Variants in SKIC2 observed in about 807,000 individuals in gnomAD.
SKIC2 encodes the protein SKI2 subunit of superkiller complex.
chr6:31,966,200 A>C, the SKIC2 span, among the ~76,000 whole-genome samples: 10,526 of 151,488 alleles, frequency 0.069, 523 homozygotes, highest in East Asian at 0.25. The surrounding 1 kb of genome is among the most constrained non-coding windows in gnomAD (Gnocchi z 5.9). Flanking sequence ...GGCTCAAGGG[A>C]TCCTCCCACC....
At chr6:31,960,849 C>T in the SKIC2 span, 25 of 952,222 alleles carry the variant, frequency 2.6e-5, no homozygotes, top group East Asian at 3.1e-4. Context: ...GATATTCTGT[C>T]CATAACAACC....
chr6:31,960,878 GAAATTTCT>G, the SKIC2 span: 6 of 896,204 alleles, frequency 6.7e-6, no homozygotes, highest in Non-Finnish European at 1.1e-5. Context: ...CATCTGCTGG[GAAATTTCT>G]ACAACAACCT....
At chr6:31,968,659 A>C in the SKIC2 span, 3 of 1,591,158 alleles carry the variant, frequency 1.9e-6, no homozygotes, top group Non-Finnish European at 2.6e-6. The surrounding 1 kb of genome is among the most constrained non-coding windows in gnomAD (Gnocchi z 6.1). Flanking sequence ...AGGGGCAAGG[A>C]GAAGGCTGAC....
At chr6:31,969,298 G>C in the SKIC2 span, 1 of 1,614,230 alleles carries the variant, frequency 6.2e-7, no homozygotes. This position sits in a 1 kb window ranked among gnomAD's most constrained non-coding sequence, Gnocchi z 6.1. Context: ...ACGTGTCCGG[G>C]CTGTGGCCAA....
chr6:31,961,593 C>T, the SKIC2 span: 14 of 1,613,064 alleles, frequency 8.7e-6, no homozygotes, highest in Non-Finnish European at 1.2e-5. Context: ...GAGCCTCCAT[C>T]TCAGGAGCAG....
At chr6:31,963,100 TG>T in the SKIC2 span, 1 of 1,594,748 alleles carries the variant, frequency 6.3e-7, no homozygotes, top group Admixed American at 1.7e-5. The surrounding 1 kb of genome is among the most constrained non-coding windows in gnomAD (Gnocchi z 5.3). Flanking sequence ...GGGTGAGACG[TG>T]TGTCCCGGGT....
chr6:31,962,135 C>A, the SKIC2 span: 1 of 1,412,792 alleles, frequency 7.1e-7, no homozygotes. This position sits in a 1 kb window ranked among gnomAD's most constrained non-coding sequence, Gnocchi z 5.0. Context: ...CATCTCTTCC[C>A]CCACCTCTCT....
chr6:31,962,228 G>T, the SKIC2 span, among the ~76,000 whole-genome samples: 3 of 152,180 alleles, frequency 2.0e-5, no homozygotes, highest in African/African-American at 7.2e-5. This position sits in a 1 kb window ranked among gnomAD's most constrained non-coding sequence, Gnocchi z 5.0. Context: ...TGGGGAGAAA[G>T]TTTAGAAGAA....
At chr6:31,965,816 G>T in the SKIC2 span, 1 of 1,612,488 alleles carries the variant, frequency 6.2e-7, no homozygotes, top group Admixed American at 1.7e-5. The surrounding 1 kb of genome is among the most constrained non-coding windows in gnomAD (Gnocchi z 5.6). Flanking sequence ...TGCCATGGGA[G>T]TAAACATGCC....
the SKIC2 span, chr6:31,961,969 T>C: frequency 1.2e-6 from 2 of 1,612,964 alleles, no homozygotes; most frequent in Non-Finnish European, 1.7e-6. Context: ...ACGGCATGAC[T>C]CTGTCTTTGT....
At chr6:31,968,603 A>T in the SKIC2 span, 1 of 1,554,612 alleles carries the variant, frequency 6.4e-7, no homozygotes, top group Non-Finnish European at 8.9e-7. This position sits in a 1 kb window ranked among gnomAD's most constrained non-coding sequence, Gnocchi z 6.1. Context: ...TCCCCTGTAG[A>T]CTGACCGCCC....
the SKIC2 span, chr6:31,960,849 C>A: frequency 1.1e-6 from 1 of 952,220 alleles, no homozygotes; most frequent in Non-Finnish European, 1.6e-6. Context: ...GATATTCTGT[C>A]CATAACAACC....
chr6:31,966,682 TC>T, the SKIC2 span: 1 of 1,613,668 alleles, frequency 6.2e-7, no homozygotes, highest in East Asian at 2.2e-5. The surrounding 1 kb of genome is among the most constrained non-coding windows in gnomAD (Gnocchi z 5.9). Flanking sequence ...CACCCTGATC[TC>T]AGTGACTTCT....
the SKIC2 span, chr6:31,961,077 T>C: frequency 6.2e-7 from 1 of 1,613,416 alleles, no homozygotes; most frequent in Non-Finnish European, 8.5e-7. Context: ...AAGAAAGGCA[T>C]GGACTTTGCA....
chr6:31,963,622 C>G, the SKIC2 span: 6 of 1,533,708 alleles, frequency 3.9e-6, no homozygotes, highest in Non-Finnish European at 5.3e-6. The surrounding 1 kb of genome is among the most constrained non-coding windows in gnomAD (Gnocchi z 5.3). Context: ...GTGGCTACCC[C>G]TCCCTGTGCC....
the SKIC2 span, chr6:31,969,265 C>T: frequency 1.9e-6 from 3 of 1,613,938 alleles, no homozygotes; most frequent in Non-Finnish European, 2.5e-6. This position sits in a 1 kb window ranked among gnomAD's most constrained non-coding sequence, Gnocchi z 6.1. Flanking sequence ...CTTAACCTCT[C>T]CTTCTTTCCT....
At chr6:31,963,031 T>G in the SKIC2 span, 1 of 1,612,866 alleles carries the variant, frequency 6.2e-7, no homozygotes, top group African/African-American at 1.3e-5. The surrounding 1 kb of genome is among the most constrained non-coding windows in gnomAD (Gnocchi z 5.3). Flanking sequence ...CCTGACCACG[T>G]TTCTATCATC....
At chr6:31,964,040 C>A in the SKIC2 span, 7 of 1,612,736 alleles carry the variant, frequency 4.3e-6, no homozygotes, top group Non-Finnish European at 5.9e-6. This position sits in a 1 kb window ranked among gnomAD's most constrained non-coding sequence, Gnocchi z 5.0. Flanking sequence ...CTTGACCTCA[C>A]CACCAGTTCG....
At chr6:31,961,418 G>A in the SKIC2 span, 2 of 1,527,484 alleles carry the variant, frequency 1.3e-6, no homozygotes, top group Non-Finnish European at 8.8e-7. Context: ...AGGCAAGAAA[G>A]AGCCTTGCCA....
Sources: allele counts gnomAD v4.1 joint callset (sites outside exome capture counted in the v4.1 genomes callset), GRCh38; gene constraint gnomAD v4.1.1; non-coding constraint Gnocchi (gnomAD v3.1); transcripts MANE v1.5; gene names NCBI Gene and HGNC (gene_info 2026-07-23, HGNC 2026-07-21).